The following SBF2 variants were observed in gnomAD, a reference collection of about 807,000 sequenced individuals.
SBF2 encodes the protein myotubularin-related protein 13.
In SBF2, 112 loss-of-function variants were observed where a neutral mutation model predicts 225.2. That is an observed-to-expected ratio of 0.50 (90% CI 0.43 to 0.58). The LOEUF (loss-of-function observed/expected upper bound fraction) is 0.58, where lower values mean the gene tolerates loss of function less well. Among genes scored for constraint, SBF2 ranks in the 20% least tolerant of loss-of-function variants. The pLI, the probability that SBF2 is intolerant of heterozygous loss-of-function variation, is 0.00. For missense variants in SBF2, 1,996 were observed against 2,206.2 expected, an observed-to-expected ratio of 0.90 and a Z score of 1.91; for synonymous variants, 763 against 773.3, an observed-to-expected ratio of 0.99 and a Z score of 0.22.
intron 1 of SBF2, among the ~76,000 whole-genome samples, chr11:10,250,612 C>T (rs2403269): frequency 0.02 from 3,014 of 152,220 alleles, 96 homozygotes; most frequent in African/African-American, 0.061. Flanking sequence ...GGATTTCATT[C>T]AATTGTCATT....
intron 29 of SBF2, 46 bp from the exon 30 acceptor site, chr11:9,812,754 T>C: frequency 1.3e-6 from 2 of 1,594,142 alleles, no homozygotes; most frequent in Non-Finnish European, 1.7e-6. Flanking sequence ...GTGCTATAGG[T>C]AAAAGAGTGA....
At chr11:10,048,325 A>T (rs1035303670) in intron 2 of SBF2, among the ~76,000 whole-genome samples, 3 of 152,150 alleles carry the variant, frequency 2.0e-5, no homozygotes, top group African/African-American at 7.2e-5. Context: ...AGAGTCCCCA[A>T]TGTCAAAATT....
intron 2 of SBF2, among the ~76,000 whole-genome samples, chr11:10,063,956 C>CG (rs1950546654): frequency 6.6e-6 from 1 of 151,108 alleles, no homozygotes; most frequent in Non-Finnish European, 1.5e-5. Context: ...ATTAAGGCGT[C>CG]GGGGGGAGCA....
chr11:9,969,447 T>A (rs11042571), intron 13 of SBF2, among the ~76,000 whole-genome samples: 30,576 of 152,122 alleles, frequency 0.2, 3,951 homozygotes, highest in Non-Finnish European at 0.3. Flanking sequence ...AACCCAAAGT[T>A]CTTAAAACAA....
At chr11:10,284,146 C>T (rs1202289196) in intron 1 of SBF2, among the ~76,000 whole-genome samples, 1 of 152,000 alleles carries the variant, frequency 6.6e-6, no homozygotes, top group East Asian at 1.9e-4. Context: ...ATACAGAAAC[C>T]ATATACCCTT....
At chr11:10,278,409 C>T (rs888854545) in intron 1 of SBF2, among the ~76,000 whole-genome samples, 10 of 152,172 alleles carry the variant, frequency 6.6e-5, no homozygotes, top group Admixed American at 2.0e-4. Context: ...CCAAAAATTT[C>T]GAGAGCTCAG....
At chr11:10,058,377 G>T (rs1439590930) in intron 2 of SBF2, among the ~76,000 whole-genome samples, 1 of 152,126 alleles carries the variant, frequency 6.6e-6, no homozygotes, top group Admixed American at 6.5e-5. Flanking sequence ...GCAATCACAA[G>T]TATTAAGAGT....
chr11:10,053,573 A>C (rs1950135537), intron 2 of SBF2, among the ~76,000 whole-genome samples: 1 of 152,166 alleles, frequency 6.6e-6, no homozygotes, highest in Non-Finnish European at 1.5e-5. Context: ...TGTGCTCTGA[A>C]CATTATATAG....
chr11:10,195,304 T>C (rs1157299680), intron 1 of SBF2, among the ~76,000 whole-genome samples: 1 of 152,232 alleles, frequency 6.6e-6, no homozygotes, highest in African/African-American at 2.4e-5. Context: ...CACAGATCTC[T>C]ATCACTGTTG....
At chr11:10,106,685 CTGTT>C in intron 2 of SBF2, among the ~76,000 whole-genome samples, 1 of 149,454 alleles carries the variant, frequency 6.7e-6, no homozygotes, top group Non-Finnish European at 1.5e-5. Flanking sequence ...ATTGTTAAAC[CTGTT>C]TTTTTTGAAA....
intron 1 of SBF2, among the ~76,000 whole-genome samples, chr11:10,213,308 C>T (rs1958009437): frequency 6.6e-6 from 1 of 152,106 alleles, no homozygotes; most frequent in African/African-American, 2.4e-5. Flanking sequence ...TTCCTAACTC[C>T]CCAAGTTTGG....
chr11:10,282,864 A>G (rs1010375615), intron 1 of SBF2, among the ~76,000 whole-genome samples: 1 of 151,856 alleles, frequency 6.6e-6, no homozygotes, highest in African/African-American at 2.4e-5. Flanking sequence ...GCTAAATTCT[A>G]TAGCCTGATA....
intron 2 of SBF2, among the ~76,000 whole-genome samples, chr11:10,117,777 T>G (rs1055629636): frequency 2.0e-5 from 3 of 151,904 alleles, no homozygotes; most frequent in African/African-American, 7.2e-5. Context: ...TGTTGGGTTT[T>G]TTTTTTTTCT....
intron 16 of SBF2, chr11:9,959,629 C>G: frequency 1.3e-6 from 1 of 757,760 alleles, no homozygotes. Flanking sequence ...AAATTCTACT[C>G]AGGTAACTCT....
At chr11:10,213,047 CAA>C (rs150317274) in intron 1 of SBF2, among the ~76,000 whole-genome samples, 21 of 134,074 alleles carry the variant, frequency 1.6e-4, no homozygotes, top group Admixed American at 4.5e-4. Flanking sequence ...GACTCTGTCT[CAA>C]AAAAAAAAAA....
intron 1 of SBF2, among the ~76,000 whole-genome samples, chr11:10,253,770 A>C (rs1350040604): frequency 2.2e-5 from 2 of 92,256 alleles, no homozygotes; most frequent in African/African-American, 4.8e-5. Flanking sequence ...CCAAATCTCC[A>C]AAAAAAAACA....
At chr11:10,196,866 A>ATATTT in intron 1 of SBF2, among the ~76,000 whole-genome samples, 1,296 of 99,164 alleles carry the variant, frequency 0.013, 30 homozygotes, top group East Asian at 0.047. Context: ...ATATATATAT[A>ATATTT]TTTTTTTTTT....
chr11:10,227,681 A>G (rs944879744), intron 1 of SBF2, among the ~76,000 whole-genome samples: 1 of 152,096 alleles, frequency 6.6e-6, no homozygotes, highest in African/African-American at 2.4e-5. Flanking sequence ...ATTGGTCTAT[A>G]TATCTGTTTT....
intron 2 of SBF2, among the ~76,000 whole-genome samples, chr11:10,137,482 G>A (rs1325684429): frequency 6.6e-6 from 1 of 152,056 alleles, no homozygotes; most frequent in Non-Finnish European, 1.5e-5. Flanking sequence ...TCAATCTTAG[G>A]GGGAAAGCAT....
Sources: allele counts gnomAD v4.1 joint callset (sites outside exome capture counted in the v4.1 genomes callset), GRCh38; gene constraint gnomAD v4.1.1; transcripts MANE v1.5; gene names NCBI Gene and HGNC (gene_info 2026-07-23, HGNC 2026-07-21).